Variants in AJAP1 observed in about 807,000 individuals in gnomAD.
The protein encoded by AJAP1 is adherens junction-associated protein 1.
Under a neutral mutation model 35.0 loss-of-function variants are expected in AJAP1, and 5 were observed. The ratio of observed to expected loss-of-function variants is 0.14; its 90% CI spans 0.07 to 0.30. The LOEUF is 0.30. Among genes scored for constraint, AJAP1 ranks in the 10% least tolerant of loss-of-function variants. The pLI, the probability that AJAP1 is intolerant of heterozygous loss-of-function variation, is 1.00. For synonymous variants in AJAP1, 284 were observed against 249.3 expected (o/e 1.14, Z -1.31); for missense variants, 586 against 571.0 (o/e 1.03, Z -0.27).
chr1:4,717,407 C>A (rs148637984), intron 2 of AJAP1, among the ~76,000 whole-genome samples: 85 of 152,316 alleles, frequency 5.6e-4, no homozygotes, highest in African/African-American at 1.9e-3. Context: ...AGAAACCTCG[C>A]CACCCAGGAG....
chr1:4,701,744 TCTGTGGTAC>T (rs1041733079), intron 1 of AJAP1, among the ~76,000 whole-genome samples: 7 of 152,170 alleles, frequency 4.6e-5, no homozygotes, highest in Non-Finnish European at 7.4e-5. Flanking sequence ...GTCTAAATGG[TCTGTGGTAC>T]CACAGGATGC....
chr1:4,791,453 ATGAG>A lies in AJAP1; in HGVS notation c.*8971_*8974del, dbSNP rs1189151835. On this transcript the variant is annotated 3_prime_UTR_variant, in exon 6 of 6. Coordinates refer to ENST00000378191, the MANE Select transcript of AJAP1 (RefSeq NM_018836.4). ...GTAGAAACTGTTCACGAAAGGCTGAATGAGTGGGGACAAGTCACAGAGATCTCGC... is the reference window on the plus strand; with the variant it reads ...GTAGAAACTGTTCACGAAAGGCTGAATGGGGACAAGTCACAGAGATCTCGC... 2 of 152,246 alleles carry A rather than the reference ATGAG, an allele frequency of 1.3e-5. No individual in the cohort carries two copies. Among genetic ancestry groups the A allele is most frequent in the African/African-American group, 4.8e-5 (2 of 41,464 alleles). 9.4% of individuals were successfully genotyped at this position (152,246 alleles called of 1,614,324 possible).
rs1267265680 is a variant in AJAP1, at chr1:4,711,945, C to T, written c.75C>T (p.Ala25=). 15 of 1,565,706 alleles carry T rather than the reference C, an allele frequency of 9.6e-6. No homozygotes were observed. Among genetic ancestry groups the T allele is most frequent in the East Asian group, 7.3e-5 (3 of 40,946 alleles). Reference sequence around the variant, plus strand: ...CGGGCCGCCCCCTCGGAAGCCATGCCTGGATACTGATAGCCATGTTTCAGC... The same window carrying T: ...CGGGCCGCCCCCTCGGAAGCCATGCTTGGATACTGATAGCCATGTTTCAGC... ...RWPGRPLGSH[A]WILIAMFQLA... The change falls in exon 2 of 6, where the codon GCC becomes GCT. Residue 25 remains alanine, a synonymous_variant. Transcript: ENST00000378191.
Position 4,656,811 on chromosome 1 carries a change from G to A in AJAP1, c.29+1357G>A, listed in dbSNP as rs1013278634. On this transcript the variant is annotated intron_variant, in intron 1 of 5. Transcript: ENST00000378191. This position sits in a 1 kb window ranked among gnomAD's most constrained non-coding sequence, Gnocchi z 5.7. ...CGATTGTGTTGGGTGTGGGATATTG[G>A]TCGGGCGTGAATCGATAAGTGTGCT... Among the ~76,000 whole-genome samples the A allele has an allele frequency of 6.6e-6, 1 of 152,168 alleles. No homozygotes were observed. The highest frequency in any genetic ancestry group is 1.5e-5 in the Non-Finnish European group (1 of 68,030).
At chr1:4,700,471 C>T (rs982603571) in intron 1 of AJAP1, among the ~76,000 whole-genome samples, 2 of 152,180 alleles carry the variant, frequency 1.3e-5, no homozygotes, top group Non-Finnish European at 2.9e-5. Context: ...GGCTGAGAAC[C>T]TCTCCTTGGC....
chr1:4,706,916 T>TC (rs1301123340), intron 1 of AJAP1, among the ~76,000 whole-genome samples: 1 of 152,156 alleles, frequency 6.6e-6, no homozygotes, highest in African/African-American at 2.4e-5. Context: ...GAGCAGTTGT[T>TC]CCCCATTTGG....
At chr1:4,780,911 C>T (rs1376973826) in intron 5 of AJAP1, among the ~76,000 whole-genome samples, 10 of 152,148 alleles carry the variant, frequency 6.6e-5, no homozygotes, top group Admixed American at 6.5e-4. Flanking sequence ...GCTGAGCGGA[C>T]ACTCCACTGT....
rs552448693 is a variant in AJAP1, at chr1:4,659,254, T to C, written c.29+3800T>C. On this transcript the variant is annotated intron_variant, in intron 1 of 5. Coordinates refer to ENST00000378191, the MANE Select transcript of AJAP1 (RefSeq NM_018836.4). ...GGGTTACAAGTCAGTAGAGACCAAA[T>C]TGATGTAAAGATTAGCTTGGAAAGC... 5.3e-5 allele frequency among the ~76,000 whole-genome samples: 8 copies of C among 152,314 alleles called. No homozygotes were observed. The South Asian group carries it at 1.4e-3, about 28-fold the overall frequency.
At chr1:4,764,469 C>T (rs1641638229) in intron 2 of AJAP1, among the ~76,000 whole-genome samples, 1 of 152,194 alleles carries the variant, frequency 6.6e-6, no homozygotes. Flanking sequence ...GTGAGCTTCA[C>T]CCTAGTCAGG....
At position 4,656,256 on chromosome 1, in the gene AJAP1, G is replaced by A. The variant is rs1349351615; in HGVS notation, c.29+802G>A. On this transcript the variant is annotated intron_variant, in intron 1 of 5. Coordinates refer to ENST00000378191, the MANE Select transcript of AJAP1 (RefSeq NM_018836.4). This position sits in a 1 kb window ranked among gnomAD's most constrained non-coding sequence, Gnocchi z 5.7. ...TCGGCAAACTTTGCCAGCCCGCCGGGGTTCTCGGGCTTCTCTGGCTTCTGC... is the reference window on the plus strand; with the variant it reads ...TCGGCAAACTTTGCCAGCCCGCCGGAGTTCTCGGGCTTCTCTGGCTTCTGC... Among the ~76,000 whole-genome samples the A allele has an allele frequency of 6.6e-6, 1 of 152,212 alleles. No homozygotes were observed. Among genetic ancestry groups the A allele is most frequent in the Non-Finnish European group, 1.5e-5 (1 of 68,040 alleles).
chr1:4,716,486 G>A (rs899611605), intron 2 of AJAP1, among the ~76,000 whole-genome samples: 4 of 152,142 alleles, frequency 2.6e-5, no homozygotes, highest in Non-Finnish European at 4.4e-5. Context: ...GTTAGTGTAA[G>A]GGTGGTGATG....
chr1:4,731,691 C>T (rs1372823637), intron 2 of AJAP1, among the ~76,000 whole-genome samples: 1 of 152,202 alleles, frequency 6.6e-6, no homozygotes, highest in Non-Finnish European at 1.5e-5. Flanking sequence ...CCAAAGCAGG[C>T]TGGTCCAGAA....
At chr1:4,730,364 G>A (rs551536850) in intron 2 of AJAP1, among the ~76,000 whole-genome samples, 6 of 152,284 alleles carry the variant, frequency 3.9e-5, no homozygotes, top group African/African-American at 9.6e-5. Context: ...AGAGCAGCTC[G>A]GCACAGCTGT....
At chr1:4,767,563 T>A (rs1177616047) in intron 2 of AJAP1, among the ~76,000 whole-genome samples, 1 of 150,994 alleles carries the variant, frequency 6.6e-6, no homozygotes, top group Non-Finnish European at 1.5e-5. Flanking sequence ...ATCATTACCA[T>A]CATTATCACC....
chr1:4,751,961 A>C (rs568134379), intron 2 of AJAP1, among the ~76,000 whole-genome samples: 4 of 152,288 alleles, frequency 2.6e-5, no homozygotes, highest in African/African-American at 9.6e-5. Flanking sequence ...AGCCTAATGC[A>C]ACCAGACCTT....
At chr1:4,690,936 C>T (rs1335724335) in intron 1 of AJAP1, among the ~76,000 whole-genome samples, 1 of 152,212 alleles carries the variant, frequency 6.6e-6, no homozygotes, top group African/African-American at 2.4e-5. Context: ...CTCCTATCCC[C>T]TGTGCTGGAC....
chr1:4,730,988 G>A (rs1640783982), intron 2 of AJAP1, among the ~76,000 whole-genome samples: 1 of 152,172 alleles, frequency 6.6e-6, no homozygotes, highest in Admixed American at 6.5e-5. Context: ...TGACTTAAAA[G>A]GAGATTGCAA....
intron 2 of AJAP1, among the ~76,000 whole-genome samples, chr1:4,728,728 A>G (rs1029023728): frequency 6.6e-5 from 10 of 151,964 alleles, no homozygotes; most frequent in African/African-American, 2.2e-4. Context: ...GGAAACTTCT[A>G]TCTTGGGCTG....
chr1:4,772,520 A>G lies in AJAP1; in HGVS notation c.1158A>G (p.Gly386=), dbSNP rs2100363061. 6.2e-7 allele frequency: 1 copy of G among 1,613,670 alleles called. No homozygotes were observed. The highest frequency in any genetic ancestry group is 8.5e-7 in the Non-Finnish European group (1 of 1,179,680). ...TTGEYKSTFN[G]NRPSSSDRHL... The stretch of plus-strand genomic sequence containing the variant: ...GGGAGTACAAATCCACATTTAATGG[A>G]AACCGGTAAGCTCGGGCTCTGCTAG... Residue 386 remains glycine, a synonymous_variant, in exon 4 of 6, where the codon GGA becomes GGG. Coordinates refer to ENST00000378191, the MANE Select transcript of AJAP1 (RefSeq NM_018836.4).
Sources: gnomAD v4.1 joint callset for allele counts (sites outside exome capture counted in the v4.1 genomes callset) on GRCh38, gnomAD v4.1.1 for gene constraint, Gnocchi (gnomAD v3.1) non-coding constraint, MANE v1.5 for transcripts, NCBI Gene and HGNC (gene_info 2026-07-23, HGNC 2026-07-21) for gene names.